CLASP1: variants seen among roughly 807,000 people sequenced by gnomAD.
CLASP1 encodes CLIP-associating protein 1.
In CLASP1, 38 loss-of-function variants were observed where a neutral mutation model predicts 192.3. The ratio of observed to expected loss-of-function variants is 0.20; its 90% CI spans 0.15 to 0.26. The LOEUF is 0.26. Ranked by LOEUF, CLASP1 falls within the 10% of genes least tolerant of loss-of-function variation. CLASP1 has a pLI of 1.00. For synonymous variants in CLASP1, 691 were observed against 712.8 expected (o/e 0.97, Z 0.49); for missense variants, 1,433 against 1,932.5 (o/e 0.74, Z 4.85).
chr2:121,521,098 T>C (rs1437222651), intron 6 of CLASP1, among the ~76,000 whole-genome samples: 1 of 152,114 alleles, frequency 6.6e-6, no homozygotes, highest in African/African-American at 2.4e-5. Flanking sequence ...TCTCGGGACA[T>C]AGGAGGTGAC....
chr2:121,580,423 CAG>C (rs1346325723), intron 2 of CLASP1, among the ~76,000 whole-genome samples: 1 of 152,136 alleles, frequency 6.6e-6, no homozygotes, highest in East Asian at 1.9e-4. Flanking sequence ...AAATGCAAGA[CAG>C]AAATATAACC....
intron 2 of CLASP1, among the ~76,000 whole-genome samples, chr2:121,581,289 A>G (rs188728288): frequency 0.017 from 1,047 of 60,844 alleles, 36 homozygotes; most frequent in Admixed American, 0.15. Flanking sequence ...TTTTTTTGAG[A>G]TGGAGTCTCG....
intron 8 of CLASP1, among the ~76,000 whole-genome samples, chr2:121,478,897 A>AC (rs1559369138): frequency 7.0e-5 from 4 of 57,472 alleles, no homozygotes; most frequent in Non-Finnish European, 1.3e-4. Context: ...CCACACACAC[A>AC]CACCACACCA....
chr2:121,594,816 A>T (rs1369865199), intron 2 of CLASP1, among the ~76,000 whole-genome samples: 1 of 152,132 alleles, frequency 6.6e-6, no homozygotes, highest in Non-Finnish European at 1.5e-5. Flanking sequence ...ACTACTCTCA[A>T]ATGATTACAA....
At chr2:121,373,790 A>G (rs958973048) in intron 34 of CLASP1, among the ~76,000 whole-genome samples, 20 of 152,362 alleles carry the variant, frequency 1.3e-4, no homozygotes, top group African/African-American at 4.8e-4. Flanking sequence ...TCTAAGCAGT[A>G]AAGTGTTCAA....
At chr2:121,611,780 A>C (rs191760968) in intron 1 of CLASP1, among the ~76,000 whole-genome samples, 1 of 148,900 alleles carries the variant, frequency 6.7e-6, no homozygotes. Flanking sequence ...GAGGAGTTAC[A>C]GGAGAAAGAG....
chr2:121,429,012 G>T (rs2080927224), intron 20 of CLASP1, among the ~76,000 whole-genome samples: 1 of 152,176 alleles, frequency 6.6e-6, no homozygotes, highest in Non-Finnish European at 1.5e-5. Context: ...CATGCTTGTA[G>T]TGTATCACAC....
chr2:121,410,676 T>C (rs1030347045), intron 24 of CLASP1, among the ~76,000 whole-genome samples, 190 bp downstream of exon 25: 4 of 152,222 alleles, frequency 2.6e-5, no homozygotes, highest in Non-Finnish European at 5.9e-5. Context: ...CATTTTCACT[T>C]ATATGTGTGC....
intron 23 of CLASP1, among the ~76,000 whole-genome samples, chr2:121,417,454 GAA>G (rs386391068): frequency 7.1e-6 from 1 of 141,404 alleles, no homozygotes; most frequent in Non-Finnish European, 1.6e-5. Context: ...AGTTCATTCA[GAA>G]AAAAAAAAAA....
intron 2 of CLASP1, among the ~76,000 whole-genome samples, chr2:121,532,038 CG>C (rs766655362): frequency 6.6e-6 from 1 of 152,142 alleles, no homozygotes; most frequent in Non-Finnish European, 1.5e-5. Flanking sequence ...CCAAACAGGA[CG>C]GGGCAACAGT....
intron 33 of CLASP1, 49 bp downstream of exon 34, chr2:121,382,159 T>G (rs1424617747): frequency 6.3e-6 from 9 of 1,430,010 alleles, no homozygotes; most frequent in Non-Finnish European, 8.7e-6. Flanking sequence ...ACCTTGGAAA[T>G]GCAATAATAT....
chr2:121,405,794 C>A (rs1350913818), intron 25 of CLASP1, among the ~76,000 whole-genome samples: 1 of 152,174 alleles, frequency 6.6e-6, no homozygotes, highest in African/African-American at 2.4e-5. Context: ...ACCAAAGTGT[C>A]ACAGGATGCC....
intron 2 of CLASP1, among the ~76,000 whole-genome samples, chr2:121,562,843 C>A (rs2059204639): frequency 1.3e-5 from 2 of 152,198 alleles, no homozygotes; most frequent in Non-Finnish European, 2.9e-5. Flanking sequence ...CTGTCCTTTC[C>A]AGGCTTCAGT....
chr2:121,376,831 C>T (rs1258475923), intron 34 of CLASP1, among the ~76,000 whole-genome samples: 2 of 152,046 alleles, frequency 1.3e-5, no homozygotes, highest in African/African-American at 2.4e-5. Flanking sequence ...ACTGTGCATG[C>T]GAGGGGATCT....
chr2:121,597,989 A>G (rs2063339020), intron 2 of CLASP1, among the ~76,000 whole-genome samples: 1 of 152,224 alleles, frequency 6.6e-6, no homozygotes, highest in East Asian at 1.9e-4. Context: ...GCTGGAAGTG[A>G]GTGCAAGAAC....
chr2:121,620,441 C>T (rs974558054), intron 1 of CLASP1, among the ~76,000 whole-genome samples: 4 of 151,770 alleles, frequency 2.6e-5, no homozygotes, highest in African/African-American at 9.7e-5. Flanking sequence ...CCTCTGCCTC[C>T]GGGGTTCAAG....
At chr2:121,440,774 A>C (rs1015857859) in intron 19 of CLASP1, among the ~76,000 whole-genome samples, 3 of 152,082 alleles carry the variant, frequency 2.0e-5, no homozygotes, top group Non-Finnish European at 4.4e-5. Flanking sequence ...GACAGAGACA[A>C]GTAGATAGAT....
chr2:121,587,013 C>A (rs145617463), intron 2 of CLASP1, among the ~76,000 whole-genome samples: 2 of 152,054 alleles, frequency 1.3e-5, no homozygotes, highest in African/African-American at 2.4e-5. Context: ...GAGGCCGAGG[C>A]GGGCGGATCA....
chr2:121,370,218 G>C (rs1022208249), intron 34 of CLASP1, among the ~76,000 whole-genome samples: 1 of 152,268 alleles, frequency 6.6e-6, no homozygotes, highest in South Asian at 2.1e-4. Context: ...ACTGGCTCCC[G>C]AGTCTTTCAC....
Sources: gnomAD v4.1 joint callset for allele counts (sites outside exome capture counted in the v4.1 genomes callset) on GRCh38, gnomAD v4.1.1 for gene constraint, MANE v1.5 for transcripts, NCBI Gene and HGNC (gene_info 2026-07-23, HGNC 2026-07-21) for gene names.